The following PTPRN2 variants were observed in gnomAD, a reference collection of about 807,000 sequenced individuals.
The protein encoded by PTPRN2 is protein tyrosine phosphatase receptor type N2, also known as receptor-type tyrosine-protein phosphatase N2.
Under a neutral mutation model 118.8 loss-of-function variants are expected in PTPRN2, and 74 were observed. The observed-to-expected ratio is 0.62, with a 90% CI of 0.52 to 0.76. The LOEUF (loss-of-function observed/expected upper bound fraction) is 0.76. PTPRN2 is among the 30% of genes least tolerant of loss of function. PTPRN2 has a pLI of 0.00. For synonymous variants in PTPRN2, 641 were observed against 608.0 expected (o/e 1.05, Z -0.80); for missense variants, 1,481 against 1,394.4 (o/e 1.06, Z -0.99).
At position 158,187,073 on chromosome 7, in the gene PTPRN2, C is replaced by T. The variant is rs975877046; in HGVS notation, c.549+5254G>A. On this transcript the variant is annotated intron_variant, in intron 5 of 22. Transcript: ENST00000389418. Reference sequence around the variant, plus strand: ...CTACCACAGTCAATAAAACAGGAAGCGTTACCACCCTCACAATGCAGAAGT... The same window carrying T: ...CTACCACAGTCAATAAAACAGGAAGTGTTACCACCCTCACAATGCAGAAGT... 2.6e-5 allele frequency among the ~76,000 whole-genome samples: 4 copies of T among 152,280 alleles called. No individual in the cohort carries two copies. In the South Asian group the frequency reaches 6.2e-4, roughly 24 times the overall value.
At chr7:157,554,673 G>A (rs886744923) in intron 21 of PTPRN2, among the ~76,000 whole-genome samples, 2 of 152,344 alleles carry the variant, frequency 1.3e-5, no homozygotes, top group Admixed American at 6.5e-5. Context: ...GTGGTGTGAC[G>A]CTGACATCGA....
intron 2 of PTPRN2, among the ~76,000 whole-genome samples, chr7:158,411,820 G>A (rs928266306): frequency 6.6e-6 from 1 of 152,158 alleles, no homozygotes; most frequent in African/African-American, 2.4e-5. Flanking sequence ...CTTCCTCCCG[G>A]GCTGCTTCTC....
At position 158,385,773 on chromosome 7, in the gene PTPRN2, T is replaced by C. The variant is rs529227837; in HGVS notation, c.164-68841A>G. 4.6e-5 allele frequency among the ~76,000 whole-genome samples: 7 copies of C among 152,280 alleles called. No individual in the cohort carries two copies. In the South Asian group the frequency reaches 1.2e-3, roughly 27 times the overall value. ...ATTTCCACAGTCTCCAGGAAGAAGA[T>C]GGGTTGGTGACCTTGTGCGTCTCTC... On this transcript the variant is annotated intron_variant, in intron 2 of 22. Transcript: ENST00000389418.
intron 21 of PTPRN2, among the ~76,000 whole-genome samples, chr7:157,567,834 A>T (rs1378464648): frequency 1.3e-5 from 2 of 152,174 alleles, no homozygotes; most frequent in Non-Finnish European, 2.9e-5. Context: ...AGGCTAATGC[A>T]GACTCTTCTC....
At chr7:157,958,249 C>G (rs1563274229) in intron 11 of PTPRN2, among the ~76,000 whole-genome samples, 1 of 152,086 alleles carries the variant, frequency 6.6e-6, no homozygotes, top group Non-Finnish European at 1.5e-5. Context: ...AAAATCACCT[C>G]AACATAATAA....
At chr7:158,072,110 T>TGGTAGTGGAGGTGCC (rs1811978818) in intron 11 of PTPRN2, among the ~76,000 whole-genome samples, 1 of 140,310 alleles carries the variant, frequency 7.1e-6, no homozygotes. Context: ...ATGGAGGTGC[T>TGGTAGTGGAGGTGCC]CATGGTGGTG....
At chr7:157,565,258 G>GT (rs1264983287) in intron 21 of PTPRN2, among the ~76,000 whole-genome samples, 1 of 152,204 alleles carries the variant, frequency 6.6e-6, no homozygotes, top group African/African-American at 2.4e-5. Flanking sequence ...CATTCACGCC[G>GT]TGAGACTACT....
At chr7:158,145,274 GCGAGAAGGT>G in intron 6 of PTPRN2, among the ~76,000 whole-genome samples, 3 of 149,584 alleles carry the variant, frequency 2.0e-5, no homozygotes, top group African/African-American at 5.0e-5. Context: ...TCACATCATC[GCGAGAAGGT>G]TCCAGAATAC....
chr7:157,679,462 G>A (rs778730917), intron 13 of PTPRN2, among the ~76,000 whole-genome samples: 1 of 152,134 alleles, frequency 6.6e-6, no homozygotes, highest in Admixed American at 6.5e-5. Context: ...TTTCCAATAG[G>A]TAAGGCAAAC....
intron 9 of PTPRN2, among the ~76,000 whole-genome samples, chr7:158,121,221 T>G (rs1817149075): frequency 6.6e-6 from 1 of 152,034 alleles, no homozygotes; most frequent in Admixed American, 6.6e-5. Flanking sequence ...TCCCCATCCT[T>G]GGAGCCATTA....
intron 5 of PTPRN2, among the ~76,000 whole-genome samples, chr7:158,181,529 T>G (rs1585762197): frequency 6.6e-6 from 1 of 152,256 alleles, no homozygotes; most frequent in East Asian, 1.9e-4. Flanking sequence ...ATTCTTTGAG[T>G]GTCTGGTATA....
chr7:157,893,837 G>A lies in PTPRN2; in HGVS notation c.1788+4836C>T, dbSNP rs943707812. 6.6e-6 allele frequency among the ~76,000 whole-genome samples: 1 copy of A among 152,190 alleles called. No homozygotes were observed. Among genetic ancestry groups the A allele is most frequent in the African/African-American group, 2.4e-5 (1 of 41,450 alleles). Reference sequence around the variant, plus strand: ...ACCGGCAGAAAGGAGGAGGGAGCCAGGCCCTGGAGAGTCCAATCTGTAGAA... The same window carrying A: ...ACCGGCAGAAAGGAGGAGGGAGCCAAGCCCTGGAGAGTCCAATCTGTAGAA... On this transcript the variant is annotated intron_variant, in intron 12 of 22. Transcript: ENST00000389418. The surrounding 1 kb of genome is among the most constrained non-coding windows in gnomAD (Gnocchi z 4.0).
intron 10 of PTPRN2, among the ~76,000 whole-genome samples, chr7:158,099,011 A>ATCCCCGGCTGCCTCCCCTTCCTCCCCC (rs1563432627): frequency 6.1e-5 from 1 of 16,404 alleles, no homozygotes; most frequent in Non-Finnish European, 1.4e-4. Context: ...CTCCCCCAAC[A>ATCCCCGGCTGCCTCCCCTTCCTCCCCC]CATCCCGGCT....
chr7:157,945,345 C>A (rs1449540798), intron 11 of PTPRN2, among the ~76,000 whole-genome samples: 2 of 152,108 alleles, frequency 1.3e-5, no homozygotes, highest in Non-Finnish European at 2.9e-5. Context: ...CCCCCATGGG[C>A]ACACTGACCC....
chr7:158,113,050 G>C (rs1216162706), intron 9 of PTPRN2, among the ~76,000 whole-genome samples: 8 of 151,512 alleles, frequency 5.3e-5, no homozygotes, highest in Non-Finnish European at 8.8e-5. Flanking sequence ...CAGCATTGAG[G>C]GCCCCCCAAC....
chr7:158,493,770 T>C (rs1821621994), intron 1 of PTPRN2, among the ~76,000 whole-genome samples: 1 of 117,510 alleles, frequency 8.5e-6, no homozygotes, highest in African/African-American at 3.3e-5. Flanking sequence ...CATGCATGCA[T>C]GCAGTCATGC....
At chr7:157,835,669 G>A (rs898416813) in intron 12 of PTPRN2, among the ~76,000 whole-genome samples, 6 of 152,144 alleles carry the variant, frequency 3.9e-5, no homozygotes, top group African/African-American at 4.8e-5. Context: ...CAACATAGCC[G>A]AAGGGTGCAC....
intron 1 of PTPRN2, among the ~76,000 whole-genome samples, chr7:158,520,829 T>C (rs1823928226): frequency 6.6e-6 from 1 of 152,214 alleles, no homozygotes; most frequent in Non-Finnish European, 1.5e-5. Context: ...CTGGTTTCCA[T>C]GTCTGAGCAC....
In PTPRN2 at chr7:158,407,172, CGTCCTGCGTCCT is replaced by C. The variant is rs1813551822; in HGVS notation, c.163+82551_163+82562del. Among the ~76,000 whole-genome samples the C allele has an allele frequency of 7.5e-4, 34 of 45,222 alleles. 1 individual carries two copies. The highest frequency in any genetic ancestry group is 9.0e-4 in the Admixed American group (3 of 3,332). The allele number at this position is 45,222 out of a possible 152,430, so 29.7% of individuals were successfully genotyped here. On this transcript the variant is annotated intron_variant, in intron 2 of 22. Coordinates refer to ENST00000389418, the MANE Select transcript of PTPRN2 (RefSeq NM_002847.5). ...CCTGGGTCCTGGGTCCTGGGTCCTG[CGTCCTGCGTCCT>C]GGGTCCTGGGTCCTGGGTCCTGGGT...
Sources: allele counts gnomAD v4.1 joint callset (sites outside exome capture counted in the v4.1 genomes callset), GRCh38; gene constraint gnomAD v4.1.1; non-coding constraint Gnocchi (gnomAD v3.1); transcripts MANE v1.5; gene names NCBI Gene and HGNC (gene_info 2026-07-23, HGNC 2026-07-21).